Variants in ST6GALNAC1 observed in about 807,000 individuals in gnomAD.
ST6GALNAC1 encodes ST6 N-acetylgalactosaminide alpha-2,6-sialyltransferase 1.
Under a neutral mutation model 56.8 loss-of-function variants are expected in ST6GALNAC1, and 45 were observed. The observed-to-expected ratio is 0.79, with a 90% CI of 0.62 to 1.02. The LOEUF (loss-of-function observed/expected upper bound fraction) is 1.02. Among genes scored for constraint, ST6GALNAC1 ranks in the 50% least tolerant of loss-of-function variants. ST6GALNAC1 has a pLI of 0.00. For synonymous variants in ST6GALNAC1, 295 were observed against 297.8 expected (o/e 0.99, Z 0.10); for missense variants, 743 against 754.8 (o/e 0.98, Z 0.18).
rs577609777 is a variant in ST6GALNAC1 at position 76,637,078 on chromosome 17, G to C, written c.131+6430C>G. Among the ~76,000 whole-genome samples the C allele has an allele frequency of 4.9e-3, 738 of 151,638 alleles. 4 individuals are homozygous for C. The highest frequency in any genetic ancestry group is 0.012 in the South Asian group (57 of 4,796). On this transcript the variant is annotated intron_variant, in intron 1 of 8. Coordinates refer to ENST00000156626, the MANE Select transcript of ST6GALNAC1 (RefSeq NM_018414.5). ...ACAGATGCTTGAAGGCAGCATGCTC[G>C]TTAAGAGTCATCACCACTCCCTAAT...
intron 1 of ST6GALNAC1, among the ~76,000 whole-genome samples, chr17:76,638,109 T>C (rs1598307030): frequency 9.8e-6 from 1 of 102,058 alleles, no homozygotes; most frequent in South Asian, 3.5e-4. Context: ...TACAGCTCAC[T>C]CTTTTTTTTT....
At chr17:76,620,030 C>T (rs531498172), downstream of ST6GALNAC1, among the ~76,000 whole-genome samples, 1 of 151,228 alleles carries the variant, frequency 6.6e-6, no homozygotes, top group African/African-American at 2.4e-5. Context: ...AGGCATGAGT[C>T]ACTGTGCCCG....
chr17:76,639,907 GT>G (rs1421256285), intron 1 of ST6GALNAC1, among the ~76,000 whole-genome samples: 1 of 151,976 alleles, frequency 6.6e-6, no homozygotes, highest in African/African-American at 2.4e-5. Flanking sequence ...CTCTGGTATG[GT>G]TACTTAAGTG....
chr17:76,622,521 T>C (rs1055961649), downstream of ST6GALNAC1, among the ~76,000 whole-genome samples: 7 of 151,876 alleles, frequency 4.6e-5, no homozygotes, highest in South Asian at 2.1e-4. Flanking sequence ...CACGCCACCA[T>C]GCCCAGCTAA....
At chr17:76,631,370 T>C (rs1474481319) in intron 1 of ST6GALNAC1, among the ~76,000 whole-genome samples, 3 of 152,210 alleles carry the variant, frequency 2.0e-5, no homozygotes, top group Non-Finnish European at 4.4e-5. Context: ...AGGACAGGGT[T>C]GGACTGAGAT....
chr17:76,622,601 G>T (rs1450649112), downstream of ST6GALNAC1, among the ~76,000 whole-genome samples: 2 of 152,110 alleles, frequency 1.3e-5, no homozygotes, highest in Non-Finnish European at 2.9e-5. Flanking sequence ...TTGACCTCAT[G>T]ATCGGCCCAC....
chr17:76,639,279 C>T lies in ST6GALNAC1; in HGVS notation c.131+4229G>A, dbSNP rs529734577. Reference sequence around the variant, plus strand: ...GTTCATAGCACTGAGGAAACACAGACAAATAAGACAATGCCGGCCGGGTGC... The same window carrying T: ...GTTCATAGCACTGAGGAAACACAGATAAATAAGACAATGCCGGCCGGGTGC... On this transcript the variant is annotated intron_variant, in intron 1 of 8. Coordinates refer to ENST00000156626, the MANE Select transcript of ST6GALNAC1 (RefSeq NM_018414.5). 7.2e-5 allele frequency among the ~76,000 whole-genome samples: 11 copies of T among 152,172 alleles called. No individual in the cohort carries two copies. In the South Asian group the frequency reaches 1.7e-3, roughly 23 times the overall value.
chr17:76,619,995 C>T (rs2075724861), downstream of ST6GALNAC1, among the ~76,000 whole-genome samples: 2 of 152,028 alleles, frequency 1.3e-5, no homozygotes, highest in Admixed American at 6.5e-5. Context: ...CCGCCTGCCT[C>T]GGCCTCCCAA....
chr17:76,631,973 A>G (rs1291098706), intron 1 of ST6GALNAC1, among the ~76,000 whole-genome samples: 1 of 152,108 alleles, frequency 6.6e-6, no homozygotes, highest in Admixed American at 6.5e-5. Context: ...TTCATTCCAC[A>G]TTTGCCTAGT....
At chr17:76,621,182 C>CCTTTTTTTTTT (rs1555633321), downstream of ST6GALNAC1, among the ~76,000 whole-genome samples, 1 of 105,324 alleles carries the variant, frequency 9.5e-6, no homozygotes, top group African/African-American at 3.5e-5. Flanking sequence ...TTCTTTCTTT[C>CCTTTTTTTTTT]TTTCTTTTTT....
chr17:76,625,792 A>T (rs1164351787), intron 8 of ST6GALNAC1, 27 bp downstream of exon 8: 1 of 1,494,454 alleles, frequency 6.7e-7, no homozygotes, highest in East Asian at 2.3e-5. Context: ...TTCTCCAGGT[A>T]TTTCTGCAGC....
chr17:76,622,727 G>A (rs1472840412), downstream of ST6GALNAC1, among the ~76,000 whole-genome samples: 2 of 151,578 alleles, frequency 1.3e-5, no homozygotes. Context: ...GTGAGTCCTA[G>A]TTAGAAATCT....
chr17:76,634,119 C>T (rs1322048675), intron 1 of ST6GALNAC1, among the ~76,000 whole-genome samples: 2 of 152,218 alleles, frequency 1.3e-5, no homozygotes, highest in Non-Finnish European at 2.9e-5. Context: ...CCTTCTATGG[C>T]ATGGAGAGCG....
In ST6GALNAC1 at chr17:76,637,793, G is replaced by A. The variant is rs2075997582; in HGVS notation, c.131+5715C>T. ...TTTTCCTGAAGCTTGGTGGATGGGAGTTCAGAATCAGAAATCAGGAGGTGA... is the reference window on the plus strand; with the variant it reads ...TTTTCCTGAAGCTTGGTGGATGGGAATTCAGAATCAGAAATCAGGAGGTGA... On this transcript the variant is annotated intron_variant, in intron 1 of 8. Transcript: ENST00000156626. 3 of 398,456 alleles carry A rather than the reference G, an allele frequency of 7.5e-6. No individual in the cohort carries two copies. In the South Asian group the frequency reaches 3.8e-4, roughly 51 times the overall value. 24.7% of individuals were successfully genotyped at this position (398,456 alleles called of 1,614,324 possible).
chr17:76,637,074 GCTCGTTAAGAGTCAT>G, intron 1 of ST6GALNAC1, among the ~76,000 whole-genome samples: 1 of 151,842 alleles, frequency 6.6e-6, no homozygotes, highest in Non-Finnish European at 1.5e-5. Context: ...AAGGCAGCAT[GCTCGTTAAGAGTCAT>G]CACCACTCCC....
Position 76,629,488 on chromosome 17 carries a change from C to G in ST6GALNAC1, c.355G>C (p.Ala119Pro). The change falls in exon 2 of 9, where the codon GCA (alanine) becomes CCA (proline). Residue 119 changes from alanine (A) to proline (P), a missense_variant. Ala to Pro is a conservative substitution (Grantham distance 27, BLOSUM62 -1). Transcript: ENST00000156626. ...PEEQDKVPHT[A>P]QRAAWKSPEK... ...GGGCTCTTCCATGCTGCCCTCTGTG[C>G]TGTGTGGGGCACCTTGTCCTGCTCC... 6.2e-7 allele frequency: 1 copy of G among 1,614,074 alleles called. No homozygotes were observed. The highest frequency in any genetic ancestry group is 8.5e-7 in the Non-Finnish European group (1 of 1,180,022).
At chr17:76,642,144 C>T (rs1245249725) in intron 1 of ST6GALNAC1, among the ~76,000 whole-genome samples, 1 of 151,444 alleles carries the variant, frequency 6.6e-6, no homozygotes, top group Non-Finnish European at 1.5e-5. Flanking sequence ...ATATAGATAT[C>T]TATATCTCCA....
intron 1 of ST6GALNAC1, among the ~76,000 whole-genome samples, chr17:76,636,255 C>A (rs1042242887): frequency 3.3e-5 from 5 of 152,144 alleles, no homozygotes; most frequent in African/African-American, 1.2e-4. Context: ...CACCCCCATA[C>A]CTCCAGCAGT....
At chr17:76,631,603 C>G (rs1011994996) in intron 1 of ST6GALNAC1, among the ~76,000 whole-genome samples, 1 of 151,990 alleles carries the variant, frequency 6.6e-6, no homozygotes, top group Non-Finnish European at 1.5e-5. Context: ...CAGCTTTCTT[C>G]TACTCTTTCT....
Sources: gnomAD v4.1 joint callset for allele counts (sites outside exome capture counted in the v4.1 genomes callset) on GRCh38, gnomAD v4.1.1 for gene constraint, MANE v1.5 for transcripts, NCBI Gene and HGNC (gene_info 2026-07-23, HGNC 2026-07-21) for gene names.